The following ATL1 variants were observed in gnomAD, a reference collection of about 807,000 sequenced individuals.
ATL1 encodes atlastin GTPase 1.
In ATL1, 31 loss-of-function variants were observed where a neutral mutation model predicts 75.5. The observed-to-expected ratio is 0.41, with a 90% confidence interval of 0.31 to 0.55. ATL1 has a LOEUF of 0.55. Ranked by LOEUF, ATL1 falls within the 20% of genes least tolerant of loss-of-function variation. ATL1 has a pLI of 0.27. For synonymous variants in ATL1, 226 were observed against 233.3 expected, an observed-to-expected ratio of 0.97 and a Z score of 0.28; for missense variants, 405 against 662.6, an observed-to-expected ratio of 0.61 and a Z score of 4.27.
Position 50,628,094 on chromosome 14 carries a change from A to G in ATL1, c.1183A>G (p.Lys395Glu). ...CTTGCAGACCAAACACCTGCAACTT[A>G]AGGAAGAATCTGTGAAGCTATTCCG... ...NDLQTKHLQLKEESVKLFRGV... is the reference protein window; with the variant it reads ...NDLQTKHLQLEEESVKLFRGV... Residue 395 changes from lysine to glutamate, a missense_variant, in exon 12 of 14, where the codon AAG becomes GAG. Lys to Glu is a moderately conservative substitution (Grantham distance 56). Transcript: ENST00000358385. 1 of 1,614,206 alleles carries G rather than the reference A, an allele frequency of 6.2e-7. No individual in the cohort carries two copies.
chr14:50,573,308 G>A (rs1387602564), intron 1 of ATL1, among the ~76,000 whole-genome samples: 1 of 152,048 alleles, frequency 6.6e-6, no homozygotes, highest in Non-Finnish European at 1.5e-5. Flanking sequence ...AATATATTTT[G>A]TATCGCACCA....
chr14:50,618,712 C>T (rs2039436816), intron 8 of ATL1, among the ~76,000 whole-genome samples: 1 of 152,026 alleles, frequency 6.6e-6, no homozygotes, highest in African/African-American at 2.4e-5. Context: ...AATCACCAAC[C>T]CCAAAGCCTG....
intron 1 of ATL1, among the ~76,000 whole-genome samples, chr14:50,566,426 A>G (rs2140181068): frequency 6.6e-6 from 1 of 152,312 alleles, no homozygotes; most frequent in East Asian, 1.9e-4. Context: ...TATACTATTT[A>G]GTTTTACATT....
At chr14:50,534,468 G>A (rs1371970814) in intron 1 of ATL1, among the ~76,000 whole-genome samples, 1 of 152,246 alleles carries the variant, frequency 6.6e-6, no homozygotes, top group Non-Finnish European at 1.5e-5. Context: ...TGAATGCCCA[G>A]TTTGAGACGA....
chr14:50,630,153 G>T, intron 13 of ATL1, 144 bp downstream of exon 13: 1 of 533,406 alleles, frequency 1.9e-6, no homozygotes, highest in Non-Finnish European at 3.2e-6. Context: ...TTGTAATTGT[G>T]AATTTTTAAC....
chr14:50,554,807 G>T (rs988535781), intron 1 of ATL1, among the ~76,000 whole-genome samples: 1 of 152,092 alleles, frequency 6.6e-6, no homozygotes, highest in Non-Finnish European at 1.5e-5. Flanking sequence ...TCATCCACTC[G>T]CTGGGCTGGA....
intron 1 of ATL1, among the ~76,000 whole-genome samples, chr14:50,567,000 T>C (rs1284738376): frequency 2.6e-5 from 4 of 152,230 alleles, no homozygotes. Context: ...TCATAACCAT[T>C]TTTAAATGTA....
At chr14:50,603,746 A>G (rs959973253) in intron 6 of ATL1, among the ~76,000 whole-genome samples, 1 of 152,214 alleles carries the variant, frequency 6.6e-6, no homozygotes, top group Non-Finnish European at 1.5e-5. Context: ...TACCTGATAA[A>G]TGCATGACCT....
At chr14:50,557,174 A>G (rs2038774832), upstream of ATL1, among the ~76,000 whole-genome samples, 1 of 152,220 alleles carries the variant, frequency 6.6e-6, no homozygotes, top group South Asian at 2.1e-4. Context: ...GATTATAGTC[A>G]TCATAGTAAG....
chr14:50,559,218 T>C (rs551823778), upstream of ATL1: 12 of 152,322 alleles, frequency 7.9e-5, 1 homozygote, highest in African/African-American at 2.9e-4. Context: ...ATCATGGATC[T>C]GGTAATTAAG....
intron 1 of ATL1, among the ~76,000 whole-genome samples, chr14:50,537,818 A>G (rs1049726562): frequency 2.0e-5 from 3 of 152,196 alleles, no homozygotes; most frequent in Admixed American, 6.5e-5. Context: ...TAGTTACCCA[A>G]TGCCTGTACT....
chr14:50,628,631 A>G (rs2039546807), intron 12 of ATL1, 169 bp downstream of exon 12: 3 of 745,324 alleles, frequency 4.0e-6, no homozygotes, highest in African/African-American at 1.7e-5. Flanking sequence ...AATACTGTGT[A>G]AAATGTGAAG....
chr14:50,604,622 G>A (rs2039300311), intron 6 of ATL1, among the ~76,000 whole-genome samples: 2 of 151,984 alleles, frequency 1.3e-5, no homozygotes, highest in Admixed American at 6.6e-5. Context: ...TACTTTTAAG[G>A]TAAGAACTAT....
intron 1 of ATL1, among the ~76,000 whole-genome samples, chr14:50,533,704 G>T (rs2038453807): frequency 6.6e-6 from 1 of 152,116 alleles, no homozygotes; most frequent in Admixed American, 6.5e-5. Context: ...TGGAGATGTT[G>T]GCTTGTGGCT....
At position 50,623,217 on chromosome 14, in the gene ATL1, C is replaced by A. The variant is rs2039484762; in HGVS notation, c.1088C>A (p.Ala363Asp). The A allele has an allele frequency of 6.2e-7, 1 of 1,613,688 alleles. No individual in the cohort carries two copies. The highest frequency in any genetic ancestry group is 1.7e-5 in the Admixed American group (1 of 59,976). ...AACAATTTAGCAGCCGTGGCAACTGCCAAGGACACATACAACAAAAAAATG... is the reference window on the plus strand; with the variant it reads ...AACAATTTAGCAGCCGTGGCAACTGACAAGGACACATACAACAAAAAAATG... ...EANNLAAVAT[A>D]KDTYNKKMEE... The change falls in exon 11 of 14, where the codon GCC (alanine) becomes GAC (aspartate). Residue 363 changes from alanine to aspartate, a missense_variant. Ala to Asp is a moderately radical substitution (Grantham distance 126). Transcript: ENST00000358385.
chr14:50,536,343 G>A (rs1184894997), intron 1 of ATL1, among the ~76,000 whole-genome samples: 8 of 151,406 alleles, frequency 5.3e-5, no homozygotes, highest in African/African-American at 1.7e-4. Context: ...GGCTGAGGCA[G>A]GAGAATCGCT....
At chr14:50,548,866 A>G (rs1369609292) in intron 1 of ATL1, among the ~76,000 whole-genome samples, 1 of 152,186 alleles carries the variant, frequency 6.6e-6, no homozygotes, top group Non-Finnish European at 1.5e-5. Flanking sequence ...AGCAACAGCT[A>G]TTAGCCATGT....
chr14:50,624,132 G>A (rs1346402209), intron 11 of ATL1, among the ~76,000 whole-genome samples: 1 of 151,900 alleles, frequency 6.6e-6, no homozygotes, highest in Non-Finnish European at 1.5e-5. Flanking sequence ...TATATGGAGT[G>A]GCATTATTTA....
intron 1 of ATL1, among the ~76,000 whole-genome samples, chr14:50,545,693 C>G (rs761228809): frequency 6.6e-6 from 1 of 152,088 alleles, no homozygotes; most frequent in African/African-American, 2.4e-5. Context: ...AAGGCACATG[C>G]GAGTATCCAT....
Sources: gnomAD v4.1 joint callset for allele counts (sites outside exome capture counted in the v4.1 genomes callset) on GRCh38, gnomAD v4.1.1 for gene constraint, MANE v1.5 for transcripts, NCBI Gene and HGNC (gene_info 2026-07-23, HGNC 2026-07-21) for gene names.